Variants in CSGALNACT1 observed in about 807,000 individuals in gnomAD.
CSGALNACT1 encodes the protein chondroitin sulfate N-acetylgalactosaminyltransferase 1, also known as beta4GalNAcT-1.
CSGALNACT1 carries 52 observed loss-of-function variants against 51.0 expected under a neutral mutation model. The ratio of observed to expected loss-of-function variants is 1.02; its 90% confidence interval spans 0.82 to 1.29. The LOEUF is 1.29. Ranked by LOEUF, CSGALNACT1 falls within the 50% of genes most tolerant of loss-of-function variation. The pLI is 0.00. For synonymous variants in CSGALNACT1, 341 were observed against 254.4 expected (o/e 1.34, Z -3.24); for missense variants, 935 against 679.2 (o/e 1.38, Z -4.19).
chr8:19,480,244 T>A (rs2070985749), intron 4 of CSGALNACT1, among the ~76,000 whole-genome samples: 1 of 152,242 alleles, frequency 6.6e-6, no homozygotes, highest in African/African-American at 2.4e-5. Flanking sequence ...TTATTTTTCC[T>A]GGTCCTCTCC....
chr8:19,631,653 T>C (rs939016843), intron 1 of CSGALNACT1, among the ~76,000 whole-genome samples: 20 of 152,202 alleles, frequency 1.3e-4, no homozygotes, highest in Non-Finnish European at 5.9e-5. Context: ...AGTCAAAATG[T>C]GTCCCTTCAC....
At chr8:19,525,196 A>G (rs2081424522) in intron 3 of CSGALNACT1, among the ~76,000 whole-genome samples, 1 of 152,102 alleles carries the variant, frequency 6.6e-6, no homozygotes, top group African/African-American at 2.4e-5. Flanking sequence ...TTGATGAAAA[A>G]CTAATGTCAA....
At chr8:19,405,203 A>G (rs1190338422) in exon 10 of CSGALNACT1, 1 of 449,654 alleles carries the variant, frequency 2.2e-6, no homozygotes, top group Non-Finnish European at 4.4e-6. Flanking sequence ...AACCAAAAAG[A>G]TAAGCAGATT....
At chr8:19,480,106 T>C (rs1431138570) in intron 4 of CSGALNACT1, among the ~76,000 whole-genome samples, 1 of 151,948 alleles carries the variant, frequency 6.6e-6, no homozygotes, top group Non-Finnish European at 1.5e-5. Flanking sequence ...TCATGTATTT[T>C]ATTTTTATTT....
intron 3 of CSGALNACT1, among the ~76,000 whole-genome samples, chr8:19,513,321 G>A (rs2078803030): frequency 6.6e-6 from 1 of 151,070 alleles, no homozygotes; most frequent in South Asian, 2.1e-4. Flanking sequence ...AAATGTAACG[G>A]AAGACACACG....
At chr8:19,481,210 T>C (rs531571945) in intron 4 of CSGALNACT1, among the ~76,000 whole-genome samples, 1 of 152,160 alleles carries the variant, frequency 6.6e-6, no homozygotes, top group East Asian at 1.9e-4. Flanking sequence ...ACCGTGCCAG[T>C]CTTCTCATTT....
At chr8:19,664,009 C>T (rs764716479) in intron 1 of CSGALNACT1, among the ~76,000 whole-genome samples, 5 of 152,118 alleles carry the variant, frequency 3.3e-5, no homozygotes, top group Admixed American at 6.5e-5. Flanking sequence ...GCAGACAGGC[C>T]GACTCCCAGC....
At chr8:19,738,694 CAT>C in intron 1 of CSGALNACT1, among the ~76,000 whole-genome samples, 1 of 152,006 alleles carries the variant, frequency 6.6e-6, no homozygotes, top group Non-Finnish European at 1.5e-5. Context: ...AAAATAAAAA[CAT>C]AAGGAAGTTT....
chr8:19,625,012 T>C (rs2054272531), intron 1 of CSGALNACT1, among the ~76,000 whole-genome samples: 1 of 152,174 alleles, frequency 6.6e-6, no homozygotes, highest in South Asian at 2.1e-4. Context: ...GTCATCCTGC[T>C]ATCACCCAGC....
chr8:19,478,506 C>T (rs1431779241), intron 4 of CSGALNACT1, among the ~76,000 whole-genome samples: 1 of 152,010 alleles, frequency 6.6e-6, no homozygotes, highest in African/African-American at 2.4e-5. Flanking sequence ...GCCTCGACTC[C>T]CCAAGAGACT....
intron 1 of CSGALNACT1, among the ~76,000 whole-genome samples, chr8:19,615,130 C>G (rs1348383925): frequency 6.6e-6 from 1 of 152,064 alleles, no homozygotes; most frequent in African/African-American, 2.4e-5. Context: ...ATGGTGAAAC[C>G]CCATCCCTCC....
chr8:19,732,407 G>A (rs1589743670), intron 1 of CSGALNACT1: 1 of 152,216 alleles, frequency 6.6e-6, no homozygotes, highest in Admixed American at 6.5e-5. Flanking sequence ...ATCAGTCGCT[G>A]TGTTCAAGGA....
At chr8:19,751,388 T>C (rs144547929) in intron 1 of CSGALNACT1, among the ~76,000 whole-genome samples, 1 of 152,276 alleles carries the variant, frequency 6.6e-6, no homozygotes, top group Non-Finnish European at 1.5e-5. Flanking sequence ...GCTCCATCAG[T>C]GTTAACCGTT....
intron 5 of CSGALNACT1, among the ~76,000 whole-genome samples, chr8:19,454,325 G>A (rs2063700926): frequency 6.6e-6 from 1 of 152,326 alleles, no homozygotes; most frequent in South Asian, 2.1e-4. Flanking sequence ...CAGAACTGCA[G>A]AAACTGTAGT....
intron 5 of CSGALNACT1, chr8:19,457,523 G>T (rs10888163): frequency 0.45 from 210,092 of 464,812 alleles, 51,048 homozygotes; most frequent in East Asian, 0.85. Context: ...TGAGGCAGGA[G>T]AATTACCTGA....
intron 1 of CSGALNACT1, among the ~76,000 whole-genome samples, chr8:19,743,754 A>C (rs1197042270): frequency 6.6e-6 from 1 of 152,248 alleles, no homozygotes; most frequent in Non-Finnish European, 1.5e-5. Context: ...GCTCCATTGA[A>C]TAAAATTAAT....
chr8:19,436,326 G>C (rs2060371065), intron 6 of CSGALNACT1, among the ~76,000 whole-genome samples: 1 of 152,084 alleles, frequency 6.6e-6, no homozygotes, highest in Admixed American at 6.6e-5. Flanking sequence ...TGAACAGGTG[G>C]TGGTATGCTA....
chr8:19,586,191 C>T (rs1051337208), intron 3 of CSGALNACT1, among the ~76,000 whole-genome samples: 1 of 152,080 alleles, frequency 6.6e-6, no homozygotes, highest in African/African-American at 2.4e-5. Context: ...AGCAAAACCC[C>T]GTCTCTACTA....
At chr8:19,493,327 T>G (rs2153968256) in intron 4 of CSGALNACT1, among the ~76,000 whole-genome samples, 1 of 152,336 alleles carries the variant, frequency 6.6e-6, no homozygotes, top group Middle Eastern at 3.4e-3. Flanking sequence ...GTGTTATTTA[T>G]TTATTGAGTT....
Sources: allele counts gnomAD v4.1 joint callset (sites outside exome capture counted in the v4.1 genomes callset), GRCh38; gene constraint gnomAD v4.1.1; transcripts MANE v1.5; gene names NCBI Gene and HGNC (gene_info 2026-07-23, HGNC 2026-07-21).